The following GBF1 variants were observed in gnomAD, a reference collection of about 807,000 sequenced individuals.
The protein encoded by GBF1 is Golgi-specific brefeldin A-resistance guanine nucleotide exchange factor 1.
In GBF1, 114 loss-of-function variants were observed where a neutral mutation model predicts 210.5. The ratio of observed to expected loss-of-function variants is 0.54; its 90% confidence interval spans 0.47 to 0.63. The LOEUF (loss-of-function observed/expected upper bound fraction) is 0.63. GBF1 is among the 30% of genes least tolerant of loss of function. The probability of loss-of-function intolerance (pLI) is 0.00; values close to 1 mark genes in which losing one functional copy is unlikely to be tolerated. For synonymous variants in GBF1, 850 were observed against 889.2 expected (o/e 0.96, Z 0.78); for missense variants, 1,851 against 2,357.7 (o/e 0.79, Z 4.45).
Position 102,361,108 on chromosome 10 carries a change from G to A in GBF1, c.1479G>A (p.Lys493=). The change falls in exon 13 of 40, where the codon AAG becomes AAA. Residue 493 remains lysine, a synonymous_variant. Coordinates refer to ENST00000369983, the MANE Select transcript of GBF1 (RefSeq NM_001377137.1). ...TTGAGAGCATGCGAGAGCACCTCAAGTTCCAAATGGAGGTGAGTTTCTTGA... is the reference window on the plus strand; with the variant it reads ...TTGAGAGCATGCGAGAGCACCTCAAATTCCAAATGGAGGTGAGTTTCTTGA... ...LLFESMREHL[K]FQMEMYIKKL... is the part of the protein sequence containing the mutation. 1 of 1,563,202 alleles carries A rather than the reference G, an allele frequency of 6.4e-7. No individual in the cohort carries two copies. The highest frequency in any genetic ancestry group is 8.8e-7 in the Non-Finnish European group (1 of 1,133,464).
At chr10:102,368,929 C>T (rs962963452) in intron 23 of GBF1, 97 bp downstream of exon 23, 52 of 820,992 alleles carry the variant, frequency 6.3e-5, no homozygotes, top group Non-Finnish European at 3.8e-5. Flanking sequence ...TTGCCCTCAG[C>T]GTCTTCCCTC....
intron 29 of GBF1, among the ~76,000 whole-genome samples, chr10:102,372,565 G>C: frequency 6.6e-6 from 1 of 152,144 alleles, no homozygotes; most frequent in Non-Finnish European, 1.5e-5. Context: ...TGTCGATGGA[G>C]GGACAGACAC....
intron 3 of GBF1, among the ~76,000 whole-genome samples, chr10:102,277,951 G>C (rs1393903480): frequency 2.0e-5 from 3 of 151,852 alleles, no homozygotes; most frequent in African/African-American, 7.3e-5. Context: ...CATGACATTA[G>C]CATTAAAAAC....
At chr10:102,350,976 A>G (rs1435847131) in intron 4 of GBF1, among the ~76,000 whole-genome samples, 1 of 151,614 alleles carries the variant, frequency 6.6e-6, no homozygotes, top group Non-Finnish European at 1.5e-5. Context: ...AATGCCAGCT[A>G]CTCGGGAGGC....
intron 3 of GBF1, among the ~76,000 whole-genome samples, chr10:102,336,034 G>A (rs1294887780): frequency 2.6e-5 from 4 of 152,012 alleles, no homozygotes; most frequent in Admixed American, 1.3e-4. Context: ...AGGTGCAGTG[G>A]CTCATGCCTG....
chr10:102,256,271 T>A (rs931664267), intron 1 of GBF1, among the ~76,000 whole-genome samples: 5 of 152,068 alleles, frequency 3.3e-5, no homozygotes, highest in Non-Finnish European at 7.4e-5. Flanking sequence ...TACCAGTTTC[T>A]TTTTCCTTTA....
In GBF1 at chr10:102,362,652, G is replaced by A; in HGVS notation, c.1864G>A (p.Glu622Lys). ...CTGTGAGATAGTAGATGGCACCCGA[G>A]AAGCTAGCAATAGTGAGAGGCATTT... ...PSCEIVDGTR[E>K]ASNTERTASD... The change falls in exon 15 of 40, where the codon GAA becomes AAA. Residue 622 changes from glutamate to lysine, a missense_variant. By Grantham distance (56) the Glu-to-Lys change is moderately conservative. Transcript: ENST00000369983. 6.2e-7 allele frequency: 1 copy of A among 1,613,400 alleles called. No individual in the cohort carries two copies. Among genetic ancestry groups the A allele is most frequent in the South Asian group, 1.1e-5 (1 of 91,058 alleles).
In GBF1 at chr10:102,365,503, C is replaced by G. The variant is rs1315006276; in HGVS notation, c.2213C>G (p.Ala738Gly). 1.2e-6 allele frequency: 2 copies of G among 1,614,130 alleles called. No homozygotes were observed. The highest frequency in any genetic ancestry group is 2.2e-5 in the South Asian group (2 of 91,082). The change falls in exon 18 of 40, where the codon GCT becomes GGT. Residue 738 changes from alanine (A) to glycine (G), a missense_variant. By Grantham distance (60) the Ala-to-Gly change is moderately conservative. Coordinates refer to ENST00000369983, the MANE Select transcript of GBF1 (RefSeq NM_001377137.1). ...ATCCCAATGGACAACACAGAGGTTGCTCAGTGGCTCCGAGAGAACCCTCGG... is the reference window on the plus strand; with the variant it reads ...ATCCCAATGGACAACACAGAGGTTGGTCAGTGGCTCCGAGAGAACCCTCGG... ...LTIPMDNTEV[A>G]QWLRENPRLD...
intron 39 of GBF1, among the ~76,000 whole-genome samples, chr10:102,381,480 G>A (rs2060841284): frequency 6.6e-6 from 1 of 152,176 alleles, no homozygotes; most frequent in African/African-American, 2.4e-5. Flanking sequence ...GGCTGGGTCA[G>A]GGACTTGGAA....
intron 4 of GBF1, among the ~76,000 whole-genome samples, chr10:102,344,913 A>G (rs1229056761): frequency 1.3e-5 from 2 of 152,214 alleles, no homozygotes; most frequent in Non-Finnish European, 2.9e-5. Flanking sequence ...CTCCTTCTTT[A>G]GGCAAATAGT....
chr10:102,291,171 C>T (rs144048362), intron 3 of GBF1, among the ~76,000 whole-genome samples: 1 of 151,722 alleles, frequency 6.6e-6, no homozygotes, highest in East Asian at 1.9e-4. Context: ...CTATTCACTG[C>T]TTTGTTTGTT....
chr10:102,276,525 CAA>C (rs67888654), intron 3 of GBF1, among the ~76,000 whole-genome samples: 39,547 of 114,294 alleles, frequency 0.35, 5,760 homozygotes, highest in South Asian at 0.49. Context: ...GACTCTGCCT[CAA>C]AAAAAAAAAA....
intron 3 of GBF1, among the ~76,000 whole-genome samples, chr10:102,320,581 C>G (rs2056303004): frequency 1.3e-5 from 2 of 151,914 alleles, no homozygotes; most frequent in South Asian, 4.1e-4. Context: ...GAGCTTGTTT[C>G]TTATTGGTAC....
At chr10:102,249,010 AC>A (rs1238000754) in intron 1 of GBF1, among the ~76,000 whole-genome samples, 1 of 152,156 alleles carries the variant, frequency 6.6e-6, no homozygotes, top group Non-Finnish European at 1.5e-5. Context: ...GCACAGAATG[AC>A]CACTCTTTCT....
intron 1 of GBF1, among the ~76,000 whole-genome samples, chr10:102,255,104 G>A (rs1165112411): frequency 6.6e-6 from 1 of 151,998 alleles, no homozygotes; most frequent in Non-Finnish European, 1.5e-5. Flanking sequence ...GCAGTGGCGC[G>A]ATCTCGGCTC....
chr10:102,256,264 C>T (rs894107997), intron 1 of GBF1, among the ~76,000 whole-genome samples: 5 of 151,940 alleles, frequency 3.3e-5, no homozygotes, highest in African/African-American at 9.7e-5. Flanking sequence ...AAATTTGTAC[C>T]AGTTTCTTTT....
At position 102,366,584 on chromosome 10, in the gene GBF1, C is replaced by CTT. The variant is rs397968996; in HGVS notation, c.2433+97_2433+98dup. Reference sequence around the variant, plus strand: ...GGGCTGAAGAATCCAGCTGCTGTCTCTTTTTTTTTTTTTTTTTTTTGAGAC... The same window carrying CTT: ...GGGCTGAAGAATCCAGCTGCTGTCTCTTTTTTTTTTTTTTTTTTTTTTGAGAC... On this transcript the variant is annotated intron_variant, in intron 19 of 39. Transcript: ENST00000369983. This position sits in a 1 kb window ranked among gnomAD's most constrained non-coding sequence, Gnocchi z 4.0. 4.6e-3 allele frequency: 2,951 copies of CTT among 639,608 alleles called. No individual in the cohort carries two copies. Among genetic ancestry groups the CTT allele is most frequent in the Middle Eastern group, 5.7e-3 (11 of 1,946 alleles). The allele number at this position is 639,608 out of a possible 1,614,324, so 39.6% of individuals were successfully genotyped here. A position where few individuals can be genotyped will look rare whatever the true frequency, so the allele number is the denominator to read the frequency against.
At chr10:102,331,570 C>T (rs1011696403) in intron 3 of GBF1, among the ~76,000 whole-genome samples, 4 of 151,594 alleles carry the variant, frequency 2.6e-5, no homozygotes, top group Non-Finnish European at 2.9e-5. Context: ...ACTGCTTGAG[C>T]CCAGGAGTTC....
At chr10:102,371,470 C>G (rs556599422) in intron 29 of GBF1, among the ~76,000 whole-genome samples, 2 of 152,148 alleles carry the variant, frequency 1.3e-5, no homozygotes, top group Admixed American at 1.3e-4. Context: ...GATTGGAAGG[C>G]TCAACATAGT....
Sources: gnomAD v4.1 joint callset for allele counts (sites outside exome capture counted in the v4.1 genomes callset) on GRCh38, gnomAD v4.1.1 for gene constraint, Gnocchi (gnomAD v3.1) non-coding constraint, MANE v1.5 for transcripts, NCBI Gene and HGNC (gene_info 2026-07-23, HGNC 2026-07-21) for gene names.